Variants in C2orf76 observed in about 807,000 individuals in gnomAD.
C2orf76 encodes the protein chromosome 2 open reading frame 76.
A neutral mutation model predicts 16.9 loss-of-function variants in C2orf76; 23 were observed. That is an observed-to-expected ratio of 1.36 (90% CI 0.98 to 1.93). The LOEUF is 1.93. Ranked by LOEUF, C2orf76 falls within the 30% of genes most tolerant of loss-of-function variation. The pLI is 0.00. For synonymous variants in C2orf76, 48 were observed against 52.3 expected (o/e 0.92, Z 0.35); for missense variants, 152 against 152.6 (o/e 1.00, Z 0.02).
intron 2 of C2orf76, among the ~76,000 whole-genome samples, chr2:119,334,821 G>C (rs529092255): frequency 2.0e-5 from 3 of 152,104 alleles, no homozygotes; most frequent in Non-Finnish European, 4.4e-5. Context: ...GAAGGGAGTA[G>C]AAGAAAAAGT....
intron 2 of C2orf76, among the ~76,000 whole-genome samples, chr2:119,326,453 G>A (rs1475445950): frequency 6.6e-6 from 1 of 152,152 alleles, no homozygotes; most frequent in Non-Finnish European, 1.5e-5. Context: ...TGCAGTACTT[G>A]ATTACTATAG....
chr2:119,285,898 G>A, the C2orf76 span, among the ~76,000 whole-genome samples: 1 of 152,078 alleles, frequency 6.6e-6, no homozygotes, highest in Admixed American at 6.6e-5. Flanking sequence ...TCAACCTCAG[G>A]GAGAGCCACA....
rs146866333 is a variant in C2orf76 at position 119,361,820 on chromosome 2, T to C, written c.-13+4970A>G. On this transcript the variant is annotated intron_variant, in intron 1 of 5. Transcript: ENST00000334816. Reference sequence around the variant, plus strand: ...TATTTTTTATAACCGCACGTCAATCTATATAGTTAGCTCAAAATAGTGTTT... The same window carrying C: ...TATTTTTTATAACCGCACGTCAATCCATATAGTTAGCTCAAAATAGTGTTT... Among the ~76,000 whole-genome samples, 625 of 151,806 alleles carry C rather than the reference T, an allele frequency of 4.1e-3. 4 individuals carry two copies. Among genetic ancestry groups the C allele is most frequent in the South Asian group, 0.022 (107 of 4,792 alleles).
Position 119,311,712 on chromosome 2 carries a change from A to AAG in C2orf76, c.223-10_223-9insCT, listed in dbSNP as rs768474756. On this transcript the variant is annotated splice_polypyrimidine_tract_variant and intron_variant, in intron 4 of 5. Coordinates refer to ENST00000334816, the MANE Select transcript of C2orf76 (RefSeq NM_001322331.2). ...AACACAAGTTCATTTGTCTAAAAAA[A>AAG]AAAAAGAAAATCTGCATTTTATCAG... 2.5e-6 allele frequency: 4 copies of AAG among 1,602,246 alleles called. No individual in the cohort carries two copies. The African/African-American group carries it at 5.4e-5, about 22-fold the overall frequency.
At chr2:119,317,368 G>C in intron 4 of C2orf76, 98 bp downstream of exon 4, 1 of 830,520 alleles carries the variant, frequency 1.2e-6, no homozygotes, top group East Asian at 3.1e-5. Flanking sequence ...ATTATAATGG[G>C]AAATATTTTA....
At chr2:119,334,703 A>AAAAAT (rs1553448071) in intron 2 of C2orf76, among the ~76,000 whole-genome samples, 1 of 146,130 alleles carries the variant, frequency 6.8e-6, no homozygotes, top group African/African-American at 2.5e-5. Context: ...AAAAAAACAA[A>AAAAAT]ATATATATAT....
At chr2:119,360,278 G>T (rs1680702732) in intron 1 of C2orf76, among the ~76,000 whole-genome samples, 1 of 152,066 alleles carries the variant, frequency 6.6e-6, no homozygotes, top group East Asian at 1.9e-4. Context: ...TCAGGAGTTT[G>T]ACCAGCCTGG....
chr2:119,332,292 A>G (rs1679700848), intron 2 of C2orf76, among the ~76,000 whole-genome samples: 1 of 151,862 alleles, frequency 6.6e-6, no homozygotes, highest in Non-Finnish European at 1.5e-5. Context: ...GGAAAAAAAA[A>G]ATAAAACTAA....
At chr2:119,293,444 G>A in the C2orf76 span, among the ~76,000 whole-genome samples, 1 of 152,232 alleles carries the variant, frequency 6.6e-6, no homozygotes. Context: ...GCACCAGGAA[G>A]AGGACCAAGG....
chr2:119,314,014 GT>G (rs368623211), intron 4 of C2orf76, among the ~76,000 whole-genome samples: 4,025 of 86,038 alleles, frequency 0.047, 62 homozygotes, highest in Middle Eastern at 0.088. Flanking sequence ...TTTCTCAGTG[GT>G]TTTTTTTTTT....
intron 5 of C2orf76, among the ~76,000 whole-genome samples, chr2:119,303,137 T>C (rs1388655799): frequency 6.6e-6 from 1 of 152,202 alleles, no homozygotes; most frequent in Non-Finnish European, 1.5e-5. Context: ...AAGACACAAA[T>C]TGGCTTCTAC....
At chr2:119,350,613 G>T (rs1322865758) in intron 1 of C2orf76, among the ~76,000 whole-genome samples, 3 of 152,232 alleles carry the variant, frequency 2.0e-5, no homozygotes, top group Non-Finnish European at 4.4e-5. Context: ...CCCCTCTGCA[G>T]CTGCTTTTTT....
At chr2:119,326,096 A>G (rs1413738688) in intron 2 of C2orf76, among the ~76,000 whole-genome samples, 2 of 152,192 alleles carry the variant, frequency 1.3e-5, no homozygotes. Context: ...CTAAAGCCCA[A>G]TTGATTTTTG....
intron 2 of C2orf76, among the ~76,000 whole-genome samples, chr2:119,339,535 C>T (rs1679956305): frequency 6.7e-6 from 1 of 150,270 alleles, no homozygotes; most frequent in Non-Finnish European, 1.5e-5. Context: ...CCTCCAAATA[C>T]ATAACCCCAT....
At chr2:119,317,527 T>G in intron 3 of C2orf76, 24 bp from the exon 4 acceptor site, 1 of 1,582,008 alleles carries the variant, frequency 6.3e-7, no homozygotes, top group Non-Finnish European at 8.6e-7. Flanking sequence ...GCAAGTTATC[T>G]TTTTACACAG....
At chr2:119,317,064 C>A (rs932299664) in intron 4 of C2orf76, among the ~76,000 whole-genome samples, 3 of 152,166 alleles carry the variant, frequency 2.0e-5, no homozygotes, top group Non-Finnish European at 4.4e-5. Context: ...CAAATTAGAA[C>A]AAGTGAATTA....
intron 2 of C2orf76, among the ~76,000 whole-genome samples, chr2:119,325,761 T>G (rs952257673): frequency 6.6e-6 from 1 of 152,250 alleles, no homozygotes; most frequent in Non-Finnish European, 1.5e-5. Context: ...GTCATTCTTA[T>G]GGATGTGTTG....
At chr2:119,340,659 T>C (rs1408694598) in intron 1 of C2orf76, among the ~76,000 whole-genome samples, 2 of 151,888 alleles carry the variant, frequency 1.3e-5, no homozygotes, top group African/African-American at 4.8e-5. Flanking sequence ...AAGACTGACT[T>C]GGAGAGATTG....
chr2:119,327,336 ATTTTTTTTTTT>A (rs34185420), intron 2 of C2orf76, among the ~76,000 whole-genome samples: 1 of 68,692 alleles, frequency 1.5e-5, no homozygotes, highest in Non-Finnish European at 2.5e-5. Flanking sequence ...AATTACATGG[ATTTTTTTTTTT>A]TTTTTTTTTT....
Sources: allele counts gnomAD v4.1 joint callset (sites outside exome capture counted in the v4.1 genomes callset), GRCh38; gene constraint gnomAD v4.1.1; transcripts MANE v1.5; gene names NCBI Gene and HGNC (gene_info 2026-07-23, HGNC 2026-07-21).